Variants in MSR1 observed in about 807,000 individuals in gnomAD.
The protein encoded by MSR1 is macrophage scavenger receptor types I and II.
MSR1 carries 53 observed loss-of-function variants against 47.2 expected under a neutral mutation model. The ratio of observed to expected loss-of-function variants is 1.12; its 90% CI spans 0.90 to 1.41. MSR1 has a LOEUF of 1.41. Among genes scored for constraint, MSR1 ranks in the 40% most tolerant of loss-of-function variants. The pLI is 0.00. For synonymous variants in MSR1, 239 were observed against 185.6 expected (o/e 1.29, Z -2.34); for missense variants, 786 against 546.9 (o/e 1.44, Z -4.36).
intron 6 of MSR1, among the ~76,000 whole-genome samples, chr8:16,152,380 G>C (rs112850353): frequency 4.1e-4 from 62 of 152,224 alleles, no homozygotes; most frequent in African/African-American, 1.5e-3. Context: ...GGGCGGGCCA[G>C]GGTAAAGATA....
In MSR1 at chr8:16,168,729, T is replaced by A; in HGVS notation, c.359A>T (p.Asn120Ile). The change falls in exon 4 of 10, where the codon AAC becomes ATC. Residue 120 changes from asparagine (N) to isoleucine (I), a missense_variant. Asn to Ile is a moderately radical substitution (Grantham distance 149). Transcript: ENST00000262101. Reference protein sequence around the residue: ...FQEVFMEHMSNMEKRIQHILD... With the variant: ...FQEVFMEHMSIMEKRIQHILD... ...AATATGCTGGATTCTCTTCTCCATG[T>A]TGCTCATGTGTTCCATAAAGACTTC... The A allele has an allele frequency of 6.2e-7, 1 of 1,614,164 alleles. No individual in the cohort carries two copies. Among genetic ancestry groups the A allele is most frequent in the Non-Finnish European group, 8.5e-7 (1 of 1,180,004 alleles).
intron 6 of MSR1, among the ~76,000 whole-genome samples, chr8:16,152,525 T>G (rs918155178): frequency 6.6e-6 from 1 of 152,106 alleles, no homozygotes; most frequent in African/African-American, 2.4e-5. Flanking sequence ...TAAATAGTAC[T>G]GGTTGATGAT....
intron 5 of MSR1, among the ~76,000 whole-genome samples, chr8:16,160,978 T>C (rs1239011423): frequency 6.6e-6 from 1 of 151,128 alleles, no homozygotes; most frequent in Non-Finnish European, 1.5e-5. Flanking sequence ...ACACATCTAG[T>C]GTAAAGAGAG....
chr8:16,154,923 C>T (rs1275387375), intron 6 of MSR1, 141 bp downstream of exon 6: 31 of 695,300 alleles, frequency 4.5e-5, no homozygotes, highest in East Asian at 3.0e-4. Flanking sequence ...CATATACACA[C>T]ATGTGCGTGC....
chr8:16,188,700 C>T (rs993607763), intron 1 of MSR1, among the ~76,000 whole-genome samples: 1 of 151,774 alleles, frequency 6.6e-6, no homozygotes, highest in Non-Finnish European at 1.5e-5. Flanking sequence ...TGTGATGCTC[C>T]CCTCCCTGTG....
intron 9 of MSR1, among the ~76,000 whole-genome samples, chr8:16,111,813 T>C (rs944407620): frequency 6.6e-6 from 1 of 152,174 alleles, no homozygotes; most frequent in Non-Finnish European, 1.5e-5. Context: ...GTCATTTTAC[T>C]GTTGAGGAAA....
chr8:16,188,947 C>A (rs629576), intron 1 of MSR1, among the ~76,000 whole-genome samples: 25,951 of 135,086 alleles, frequency 0.19, 3,822 homozygotes, highest in African/African-American at 0.41. Context: ...TGTTTGCTAC[C>A]TAATAATTCA....
chr8:16,116,394 C>A (rs1164593501), intron 9 of MSR1, among the ~76,000 whole-genome samples: 2 of 152,030 alleles, frequency 1.3e-5, no homozygotes, highest in African/African-American at 4.8e-5. Flanking sequence ...TAAAAGGAAA[C>A]CAAAATCCTG....
At chr8:16,150,171 T>TATATATATAA (rs1800814242) in intron 7 of MSR1, 60 bp downstream of exon 7, 1 of 294,968 alleles carries the variant, frequency 3.4e-6, no homozygotes, top group South Asian at 6.3e-5. Flanking sequence ...TATATATATA[T>TATATATATAA]AAAATTATCT....
At chr8:16,175,418 A>T in intron 2 of MSR1, 118 bp from the exon 3 acceptor site, 1 of 896,768 alleles carries the variant, frequency 1.1e-6, no homozygotes, top group Non-Finnish European at 1.7e-6. Context: ...AAAAAAGAAG[A>T]AAAAATGTTC....
chr8:16,170,285 T>C (rs1025175027), intron 3 of MSR1, among the ~76,000 whole-genome samples: 3 of 151,938 alleles, frequency 2.0e-5, no homozygotes, highest in South Asian at 2.1e-4. Context: ...GAGGCAGAGG[T>C]TGCAGTGAGC....
At chr8:16,188,912 G>A (rs986128801) in intron 1 of MSR1, among the ~76,000 whole-genome samples, 4 of 149,558 alleles carry the variant, frequency 2.7e-5, no homozygotes, top group African/African-American at 9.8e-5. Context: ...GTCTATCACT[G>A]AGGGACATTT....
intron 1 of MSR1, 53 bp from the exon 2 acceptor site, chr8:16,178,045 C>G (rs779430789): frequency 1.5e-6 from 2 of 1,362,362 alleles, no homozygotes; most frequent in African/African-American, 2.9e-5. Flanking sequence ...GGCTAGGGCT[C>G]TTTTGCATAA....
intron 8 of MSR1, among the ~76,000 whole-genome samples, chr8:16,128,768 T>C (rs939584288): frequency 6.6e-6 from 1 of 152,072 alleles, no homozygotes; most frequent in African/African-American, 2.4e-5. Context: ...ACACTGAAAA[T>C]CTCTTTTCCG....
intron 1 of MSR1, among the ~76,000 whole-genome samples, chr8:16,179,130 T>C (rs1219903837): frequency 2.0e-5 from 3 of 152,182 alleles, no homozygotes; most frequent in Non-Finnish European, 4.4e-5. Context: ...ATCTCTTCTT[T>C]CTTAGCTGAA....
intron 9 of MSR1, among the ~76,000 whole-genome samples, chr8:16,110,451 G>C (rs1799732130): frequency 6.6e-6 from 1 of 151,988 alleles, no homozygotes; most frequent in African/African-American, 2.4e-5. Context: ...CTCTAACAAA[G>C]TTACCTACAC....
chr8:16,138,144 T>C (rs922667223), intron 8 of MSR1, among the ~76,000 whole-genome samples: 3 of 152,172 alleles, frequency 2.0e-5, no homozygotes, highest in Non-Finnish European at 4.4e-5. Context: ...TTTCCTATCG[T>C]TGTTTGAGTT....
At position 16,120,691 on chromosome 8, in the gene MSR1, T is replaced by A. The variant is rs33942500; in HGVS notation, c.1034-85A>T. 4.6e-3 allele frequency: 6,594 copies of A among 1,431,826 alleles called. 48 individuals are homozygous for A. Among genetic ancestry groups the A allele is most frequent in the Admixed American group, 0.01 (394 of 37,856 alleles). 88.7% of individuals were successfully genotyped at this position (1,431,826 alleles called of 1,614,324 possible). ...ATACTGCTTTACAGCACTTTTTTTT[T>A]AAACACAAAAAAATGTTTAGCACAT... On this transcript the variant is annotated intron_variant, in intron 8 of 9. Coordinates refer to ENST00000262101, the MANE Select transcript of MSR1 (RefSeq NM_138715.3).
At chr8:16,173,712 G>C (rs1288571711) in intron 3 of MSR1, among the ~76,000 whole-genome samples, 1 of 151,936 alleles carries the variant, frequency 6.6e-6, no homozygotes, top group African/African-American at 2.4e-5. Context: ...ACAGTGGCGC[G>C]ATCTCGGCTC....
Sources: allele counts gnomAD v4.1 joint callset (sites outside exome capture counted in the v4.1 genomes callset), GRCh38; gene constraint gnomAD v4.1.1; transcripts MANE v1.5; gene names NCBI Gene and HGNC (gene_info 2026-07-23, HGNC 2026-07-21).